PPAT: variants seen among roughly 807,000 people sequenced by gnomAD.
The protein encoded by PPAT is phosphoribosyl pyrophosphate amidotransferase.
In PPAT, 20 loss-of-function variants were observed where a neutral mutation model predicts 60.2. The ratio of observed to expected loss-of-function variants is 0.33; its 90% confidence interval spans 0.23 to 0.48. The LOEUF (loss-of-function observed/expected upper bound fraction) is 0.48, where lower values mean the gene tolerates loss of function less well. Among genes scored for constraint, PPAT ranks in the 20% least tolerant of loss-of-function variants. The pLI is 0.99. For missense variants in PPAT, 349 were observed against 629.6 expected (o/e 0.55, Z 4.77); for synonymous variants, 194 against 215.1 (o/e 0.90, Z 0.86).
intron 6 of PPAT, 79 bp downstream of exon 6, chr4:56,402,030 T>C: frequency 8.8e-7 from 1 of 1,141,740 alleles, no homozygotes; most frequent in Non-Finnish European, 1.2e-6. Flanking sequence ...TTTCAAACTT[T>C]CACATAAATA....
intron 1 of PPAT, 110 bp downstream of exon 1, chr4:56,435,240 G>A: frequency 6.7e-7 from 1 of 1,499,688 alleles, no homozygotes; most frequent in Non-Finnish European, 9.1e-7. Flanking sequence ...GGCTTAGGTC[G>A]GAGAGGTCGG....
chr4:56,431,301 T>C (rs1717571075), intron 1 of PPAT: 1 of 240,606 alleles, frequency 4.2e-6, no homozygotes, highest in Admixed American at 6.5e-5. Flanking sequence ...TCAAATCCTG[T>C]GTTCTCCACA....
intron 1 of PPAT, among the ~76,000 whole-genome samples, chr4:56,411,512 C>T (rs747908324): frequency 4.6e-5 from 7 of 152,148 alleles, no homozygotes; most frequent in African/African-American, 1.7e-4. Flanking sequence ...GGTTTCTTGA[C>T]GTGCTGTGTT....
chr4:56,431,941 T>C (rs1717604698), intron 1 of PPAT, among the ~76,000 whole-genome samples: 1 of 152,164 alleles, frequency 6.6e-6, no homozygotes, highest in South Asian at 2.1e-4. Context: ...TAAGAGGACA[T>C]GTGAAAATTC....
intron 7 of PPAT, among the ~76,000 whole-genome samples, 175 bp from the exon 8 acceptor site, chr4:56,401,086 A>G (rs1049112865): frequency 5.3e-5 from 8 of 152,238 alleles, no homozygotes; most frequent in East Asian, 1.9e-4. Flanking sequence ...GGTTTTAAAA[A>G]AAAAATCGAC....
chr4:56,404,955 A>G (rs1302608749), intron 3 of PPAT, among the ~76,000 whole-genome samples: 2 of 152,152 alleles, frequency 1.3e-5, no homozygotes, highest in African/African-American at 2.4e-5. Flanking sequence ...GTAACCATCT[A>G]TTACTAAATA....
intron 8 of PPAT, 181 bp from the exon 9 acceptor site, chr4:56,399,581 T>C (rs1716062697): frequency 1.9e-6 from 1 of 537,124 alleles, no homozygotes. Flanking sequence ...AAAAACCAAT[T>C]CATTTTGTGA....
chr4:56,435,258 G>T (rs989662198), intron 1 of PPAT, 92 bp downstream of exon 1: 1 of 1,566,382 alleles, frequency 6.4e-7, no homozygotes, highest in Non-Finnish European at 8.7e-7. Context: ...CGGTCCTCCC[G>T]GGCCCTCGGG....
At chr4:56,401,579 G>T in intron 6 of PPAT, 98 bp from the exon 7 acceptor site, 1 of 1,070,924 alleles carries the variant, frequency 9.3e-7, no homozygotes, top group Non-Finnish European at 1.3e-6. Flanking sequence ...CCTTCCCTTA[G>T]AGAAACAATT....
chr4:56,398,820 T>C (rs576629563), intron 9 of PPAT, among the ~76,000 whole-genome samples: 19 of 152,198 alleles, frequency 1.2e-4, no homozygotes, highest in Admixed American at 1.2e-3. Context: ...ATTTTATTAT[T>C]ATCTTTTATT....
intron 1 of PPAT, chr4:56,410,424 C>T (rs951689376): frequency 1.9e-5 from 12 of 616,760 alleles, no homozygotes; most frequent in Non-Finnish European, 2.4e-5. Flanking sequence ...ATCCTTTCAG[C>T]TCTTCGGAGC....
chr4:56,404,241 G>T (rs1716188674), intron 3 of PPAT: 1 of 257,830 alleles, frequency 3.9e-6, no homozygotes, highest in East Asian at 8.4e-5. Context: ...TGATTTGTGG[G>T]TCTGACATTT....
intron 1 of PPAT, among the ~76,000 whole-genome samples, chr4:56,414,806 T>G (rs1476044289): frequency 5.9e-5 from 9 of 152,216 alleles, no homozygotes; most frequent in African/African-American, 2.2e-4. Context: ...GCCCTGTTTC[T>G]CTAAAGGTAA....
chr4:56,432,651 G>C (rs1205923977), intron 1 of PPAT, among the ~76,000 whole-genome samples: 17 of 151,690 alleles, frequency 1.1e-4, no homozygotes, highest in Middle Eastern at 6.8e-3. Context: ...CGGGCGTGGT[G>C]GGGGGCGCCT....
intron 1 of PPAT, chr4:56,416,366 G>C: frequency 1.2e-6 from 1 of 852,530 alleles, no homozygotes; most frequent in Non-Finnish European, 1.4e-6. Flanking sequence ...AATGTCAATT[G>C]CATCAGTAGA....
At chr4:56,432,975 T>C (rs1273216070) in intron 1 of PPAT, among the ~76,000 whole-genome samples, 1 of 127,442 alleles carries the variant, frequency 7.8e-6, no homozygotes, top group Non-Finnish European at 1.6e-5. Flanking sequence ...TATATATACA[T>C]ATATACATAC....
chr4:56,429,045 A>AAG, intron 1 of PPAT: 6 of 604,294 alleles, frequency 9.9e-6, no homozygotes, highest in Non-Finnish European at 1.2e-5. Context: ...CACACAGTGG[A>AAG]AACAACTTGT....
chr4:56,393,482 A>T lies in PPAT; in HGVS notation c.*1870T>A, dbSNP rs773797257. On this transcript the variant is annotated 3_prime_UTR_variant, in exon 11 of 11. Coordinates refer to ENST00000264220, the MANE Select transcript of PPAT (RefSeq NM_002703.5). The stretch of plus-strand genomic sequence containing the variant: ...AACACATTTTTCATCTCTGCAGTTT[A>T]TAATACTCTACGTATATGAATTTAA... 1 of 152,228 alleles carries T rather than the reference A, an allele frequency of 6.6e-6. No individual in the cohort carries two copies. The highest frequency in any genetic ancestry group is 1.5e-5 in the Non-Finnish European group (1 of 68,038). 9.4% of individuals were successfully genotyped at this position (152,228 alleles called of 1,614,324 possible).
intron 1 of PPAT, among the ~76,000 whole-genome samples, chr4:56,428,165 A>G (rs534198399): frequency 3.3e-5 from 5 of 152,358 alleles, no homozygotes; most frequent in African/African-American, 9.6e-5. Flanking sequence ...ACTTTATGCC[A>G]TCACAGTTGC....
Sources: gnomAD v4.1 joint callset for allele counts (sites outside exome capture counted in the v4.1 genomes callset) on GRCh38, gnomAD v4.1.1 for gene constraint, MANE v1.5 for transcripts, NCBI Gene and HGNC (gene_info 2026-07-23, HGNC 2026-07-21) for gene names.